The following FARP2 variants were observed in gnomAD, a reference collection of about 807,000 sequenced individuals.
FARP2 encodes FERM, ARH/RhoGEF and pleckstrin domain protein 2.
FARP2 carries 111 observed loss-of-function variants against 130.5 expected under a neutral mutation model. That is an observed-to-expected ratio of 0.85 (90% CI 0.73 to 1.00). The LOEUF (loss-of-function observed/expected upper bound fraction) is 1.00. Ranked by LOEUF, FARP2 falls within the 50% of genes least tolerant of loss-of-function variation. The pLI is 0.00. For synonymous variants in FARP2, 504 were observed against 516.9 expected, an observed-to-expected ratio of 0.98 and a Z score of 0.34; for missense variants, 1,385 against 1,346.3, an observed-to-expected ratio of 1.03 and a Z score of -0.45.
At chr2:241,484,102 A>G (rs979611937) in intron 20 of FARP2, 140 bp from the exon 21 acceptor site, 3 of 1,449,150 alleles carry the variant, frequency 2.1e-6, no homozygotes, top group African/African-American at 2.8e-5. Flanking sequence ...TGAATGAATA[A>G]AAGTCCCCTT....
chr2:241,441,532 C>T lies in FARP2; in HGVS notation c.1387C>T (p.Pro463Ser). The T allele has an allele frequency of 1.2e-6, 2 of 1,614,014 alleles. No homozygotes were observed. The highest frequency in any genetic ancestry group is 1.7e-6 in the Non-Finnish European group (2 of 1,180,000). ...PDTPSAQPLG[P>S]PALQPGPGLS... The stretch of plus-strand genomic sequence containing the variant: ...CACACCATCGGCCCAGCCCCTCGGG[C>T]CCCCCGCACTCCAGCCTGGTCCAGG... The change falls in exon 13 of 27, where the codon CCC becomes TCC. Residue 463 changes from proline (P) to serine (S), a missense_variant. Physicochemically the swap from Pro to Ser is moderately conservative, Grantham distance 74. Coordinates refer to ENST00000264042, the MANE Select transcript of FARP2 (RefSeq NM_014808.4).
At chr2:241,474,578 G>A (rs1335714426) in intron 18 of FARP2, among the ~76,000 whole-genome samples, 2 of 151,498 alleles carry the variant, frequency 1.3e-5, no homozygotes, top group Non-Finnish European at 2.9e-5. Flanking sequence ...ATCATCTGAC[G>A]TCAGGAGTGG....
chr2:241,456,492 C>T (rs2063840342), intron 13 of FARP2: 1 of 415,894 alleles, frequency 2.4e-6, no homozygotes, highest in Non-Finnish European at 4.3e-6. Flanking sequence ...CCAGGCCCCC[C>T]TAGAGTCCGG....
At chr2:241,446,274 C>G (rs2063512139) in intron 13 of FARP2, 1 of 152,098 alleles carries the variant, frequency 6.6e-6, no homozygotes, top group Admixed American at 6.5e-5. Context: ...TTAGGATTCT[C>G]TGCTCCACTT....
At chr2:241,463,254 A>C in intron 15 of FARP2, 81 bp from the exon 16 acceptor site, 1 of 1,512,384 alleles carries the variant, frequency 6.6e-7, no homozygotes, top group Non-Finnish European at 9.0e-7. Flanking sequence ...TGGGTGACCT[A>C]TGGCTACAGG....
At chr2:241,474,723 C>T (rs1430745029) in intron 18 of FARP2, among the ~76,000 whole-genome samples, 5 of 151,324 alleles carry the variant, frequency 3.3e-5, no homozygotes, top group African/African-American at 1.2e-4. Flanking sequence ...ACTTGAGAGG[C>T]GGAGGTTTCA....
intron 2 of FARP2, among the ~76,000 whole-genome samples, chr2:241,394,378 C>T (rs1437619694): frequency 1.3e-5 from 2 of 151,628 alleles, no homozygotes; most frequent in East Asian, 1.9e-4. Context: ...AATAGCTGGG[C>T]GTGATGGCGG....
At position 241,459,618 on chromosome 2, in the gene FARP2, C is replaced by G. The variant is rs892011603; in HGVS notation, c.1587+2696C>G. On this transcript the variant is annotated intron_variant, in intron 14 of 26. Transcript: ENST00000264042. The surrounding 1 kb of genome is among the most constrained non-coding windows in gnomAD (Gnocchi z 5.3). ...CACGCTCTGCATGGGCACATAGACC[C>G]TTCATGTGGGGACAGGTGGCGAAGC... Among the ~76,000 whole-genome samples, 3 of 152,224 alleles carry G rather than the reference C, an allele frequency of 2.0e-5. No homozygotes were observed. Among genetic ancestry groups the G allele is most frequent in the Non-Finnish European group, 4.4e-5 (3 of 68,040 alleles).
chr2:241,490,346 A>C (rs2064861540), intron 22 of FARP2, among the ~76,000 whole-genome samples: 1 of 152,210 alleles, frequency 6.6e-6, no homozygotes, highest in Non-Finnish European at 1.5e-5. Context: ...GTGAGTGGGC[A>C]GGCTCCTGTG....
chr2:241,453,895 T>C (rs1278208447), intron 13 of FARP2, among the ~76,000 whole-genome samples: 1 of 144,024 alleles, frequency 6.9e-6, no homozygotes, highest in African/African-American at 2.5e-5. Context: ...GCAATTCTCC[T>C]GCCTCAGCCT....
rs577180086 is a variant in FARP2 at position 241,422,859 on chromosome 2, A to G, written c.771+4750A>G. Among the ~76,000 whole-genome samples, 11 of 152,364 alleles carry G rather than the reference A, an allele frequency of 7.2e-5. 1 individual carries two copies. The highest frequency in any genetic ancestry group is 1.9e-4 in the African/African-American group (8 of 41,582). On this transcript the variant is annotated intron_variant, in intron 8 of 26. Coordinates refer to ENST00000264042, the MANE Select transcript of FARP2 (RefSeq NM_014808.4). ...TAGCAGAATAGGCCAAGCAGAGGAA[A>G]GAATCTCAGAGCATTGAAGACTATC...
intron 17 of FARP2, among the ~76,000 whole-genome samples, chr2:241,467,870 C>T (rs772019457): frequency 2.0e-5 from 3 of 152,132 alleles, no homozygotes; most frequent in African/African-American, 7.2e-5. Flanking sequence ...GGGAGGTGGC[C>T]CTGGTCCACT....
chr2:241,471,440 C>A (rs1204434062), intron 18 of FARP2: 1 of 145,376 alleles, frequency 6.9e-6, no homozygotes, highest in Non-Finnish European at 1.5e-5. Context: ...TCTGTGAGGA[C>A]CGTGTTCTGT....
intron 6 of FARP2, among the ~76,000 whole-genome samples, 186 bp downstream of exon 6, chr2:241,411,316 C>T (rs2062512164): frequency 6.6e-6 from 1 of 152,254 alleles, no homozygotes; most frequent in Non-Finnish European, 1.5e-5. Flanking sequence ...CTCCTTGAGG[C>T]AAATAGTTTC....
At position 241,491,559 on chromosome 2, in the gene FARP2, T is replaced by C. The variant is rs2064914438; in HGVS notation, c.2667T>C (p.Asp889=). The change falls in exon 24 of 27, where the codon GAT becomes GAC. Residue 889 remains aspartate, a synonymous_variant. Coordinates refer to ENST00000264042, the MANE Select transcript of FARP2 (RefSeq NM_014808.4). ...CTCTGGAGCAGGAGTCAGAAGATGATGCTCGGGGTGTCCGCAGCTCCCTGG... is the reference window on the plus strand; with the variant it reads ...CTCTGGAGCAGGAGTCAGAAGATGACGCTCGGGGTGTCCGCAGCTCCCTGG... The part of the protein sequence containing the change: ...EVSLEQESED[D]ARGVRSSLEG... 1 of 1,613,664 alleles carries C rather than the reference T, an allele frequency of 6.2e-7. No homozygotes were observed. Among genetic ancestry groups the C allele is most frequent in the Non-Finnish European group, 8.5e-7 (1 of 1,179,970 alleles).
intron 1 of FARP2, among the ~76,000 whole-genome samples, chr2:241,360,702 G>A (rs868520068): frequency 3.3e-5 from 5 of 150,208 alleles, no homozygotes; most frequent in Non-Finnish European, 5.9e-5. Context: ...TGAATATTTA[G>A]AATGAGAACG....
At chr2:241,393,825 T>C (rs1321361238) in intron 2 of FARP2, among the ~76,000 whole-genome samples, 1 of 152,258 alleles carries the variant, frequency 6.6e-6, no homozygotes, top group Non-Finnish European at 1.5e-5. Flanking sequence ...ATATTGTTTA[T>C]ACCTAAGCCT....
intron 1 of FARP2, among the ~76,000 whole-genome samples, chr2:241,366,129 A>ATATATACGTGTATATATATATATATACG (rs1553705686): frequency 2.0e-5 from 2 of 99,204 alleles, no homozygotes; most frequent in Admixed American, 9.4e-5. Flanking sequence ...ATACGTATAT[A>ATATATACGTGTATATATATATATATACG]TATATATATA....
At chr2:241,432,806 A>G (rs550406601) in intron 9 of FARP2, among the ~76,000 whole-genome samples, 2 of 152,292 alleles carry the variant, frequency 1.3e-5, no homozygotes, top group South Asian at 4.1e-4. Context: ...TAAAAAGTAG[A>G]TTTGCCAAGC....
Sources: gnomAD v4.1 joint callset for allele counts (sites outside exome capture counted in the v4.1 genomes callset) on GRCh38, gnomAD v4.1.1 for gene constraint, Gnocchi (gnomAD v3.1) non-coding constraint, MANE v1.5 for transcripts, NCBI Gene and HGNC (gene_info 2026-07-23, HGNC 2026-07-21) for gene names.